The following PCDHA9 variants were observed in gnomAD, a reference collection of about 807,000 sequenced individuals.
The protein encoded by PCDHA9 is protocadherin alpha-9.
Under a neutral mutation model 62.0 loss-of-function variants are expected in PCDHA9, and 62 were observed. That is an observed-to-expected ratio of 1.00 (90% CI 0.81 to 1.23). The LOEUF (loss-of-function observed/expected upper bound fraction) is 1.23. Ranked by LOEUF, PCDHA9 falls within the 50% of genes most tolerant of loss-of-function variation. The pLI is 0.00. For synonymous variants in PCDHA9, 557 were observed against 567.6 expected (o/e 0.98, Z 0.27); for missense variants, 1,205 against 1,249.8 (o/e 0.96, Z 0.54).
intron 1 of PCDHA9, chr5:140,927,650 TC>T (rs2084465821): frequency 6.2e-7 from 1 of 1,614,080 alleles, no homozygotes; most frequent in Admixed American, 1.7e-5. Flanking sequence ...ACTGTGTTAT[TC>T]CGAGTTCAAG....
intron 1 of PCDHA9, chr5:140,876,308 A>G: frequency 6.2e-7 from 1 of 1,614,070 alleles, no homozygotes; most frequent in Non-Finnish European, 8.5e-7. Flanking sequence ...GAAATTTCCT[A>G]TGGGATCAAA....
chr5:140,870,746 TGACG>T, intron 1 of PCDHA9: 1 of 1,613,488 alleles, frequency 6.2e-7, no homozygotes, highest in Non-Finnish European at 8.5e-7. Context: ...AGCAGCAACG[TGACG>T]CTGCAGGTGT....
At chr5:140,947,209 A>C (rs1462777257) in intron 1 of PCDHA9, among the ~76,000 whole-genome samples, 2 of 151,580 alleles carry the variant, frequency 1.3e-5, no homozygotes, top group Non-Finnish European at 3.0e-5. Flanking sequence ...AAAAAAAGAA[A>C]ATCCTGTCAT....
intron 3 of PCDHA9, among the ~76,000 whole-genome samples, chr5:141,000,501 C>G (rs1252221313): frequency 2.1e-5 from 3 of 139,584 alleles, no homozygotes; most frequent in Admixed American, 7.5e-5. Flanking sequence ...GATCTCGGCT[C>G]ACTGCAACCT....
chr5:140,877,743 G>C, intron 1 of PCDHA9: 1 of 1,614,148 alleles, frequency 6.2e-7, no homozygotes, highest in Non-Finnish European at 8.5e-7. Flanking sequence ...GGAGGCAGAG[G>C]GTGTGCTCTG....
chr5:140,920,612 G>A (rs1389841013), intron 1 of PCDHA9, among the ~76,000 whole-genome samples: 3 of 152,092 alleles, frequency 2.0e-5, no homozygotes, highest in Non-Finnish European at 2.9e-5. Flanking sequence ...TTGGGAGGCC[G>A]AGGCGGATGG....
In PCDHA9 at chr5:140,882,368, T is replaced by C. The variant is rs781902519; in HGVS notation, c.2394+31479T>C. On this transcript the variant is annotated intron_variant, in intron 1 of 3. Transcript: ENST00000532602. ...GACGGGTAGTGGCCAGCTCCACTAC[T>C]CCGTCCCCGAGGAAGCAAAACACGG... 1.9e-6 allele frequency: 3 copies of C among 1,614,218 alleles called. No individual in the cohort carries two copies. The South Asian group carries it at 3.3e-5, about 18-fold the overall frequency.
chr5:140,926,353 C>T (rs1402316154), intron 1 of PCDHA9: 1 of 152,272 alleles, frequency 6.6e-6, no homozygotes, highest in Non-Finnish European at 1.5e-5. Flanking sequence ...ACGCGCGGCT[C>T]CCAAAGGGCG....
In PCDHA9 at chr5:140,883,587, G is replaced by C. The variant is rs1554178846; in HGVS notation, c.2394+32698G>C. ...TCGCCTTCGCTGTGGGCCACGGCCA[G>C]CGTGTCGGTGGGGGTGGCCGACGTG... On this transcript the variant is annotated intron_variant, in intron 1 of 3. Coordinates refer to ENST00000532602, the MANE Select transcript of PCDHA9 (RefSeq NM_031857.2). 6.2e-7 allele frequency: 1 copy of C among 1,614,030 alleles called. No individual in the cohort carries two copies. Among genetic ancestry groups the C allele is most frequent in the Non-Finnish European group, 8.5e-7 (1 of 1,179,946 alleles).
At chr5:140,871,624 A>G in intron 1 of PCDHA9, 1 of 1,409,596 alleles carries the variant, frequency 7.1e-7, no homozygotes, top group African/African-American at 1.4e-5. Context: ...TTTAGATAAC[A>G]ATGTCTGTTC....
chr5:140,921,098 A>G (rs1007745080), intron 1 of PCDHA9, among the ~76,000 whole-genome samples: 2 of 151,708 alleles, frequency 1.3e-5, no homozygotes, highest in South Asian at 2.1e-4. Context: ...CTCCTGCCTC[A>G]GTCTCCTAAG....
chr5:140,921,212 C>T lies in PCDHA9; in HGVS notation c.2395-57737C>T, dbSNP rs78827164. On this transcript the variant is annotated intron_variant, in intron 1 of 3. Coordinates refer to ENST00000532602, the MANE Select transcript of PCDHA9 (RefSeq NM_031857.2). ...ACAATAGATTGACAACGATAATTCA[C>T]GTCTTTTTTGCTAGATGATATTAAG... is the stretch of plus-strand genomic sequence containing the variant. Among the ~76,000 whole-genome samples the T allele has an allele frequency of 3.7e-3, 555 of 152,020 alleles. 3 individuals carry two copies. Among genetic ancestry groups the T allele is most frequent in the Non-Finnish European group, 5.8e-3 (395 of 67,980 alleles).
rs1419215366 is a variant in PCDHA9, at chr5:141,010,888, T to G, written c.*951T>G. 2 of 153,748 alleles carry G rather than the reference T, an allele frequency of 1.3e-5. No homozygotes were observed. The highest frequency in any genetic ancestry group is 2.9e-5 in the Non-Finnish European group (2 of 68,032). The allele number at this position is 153,748 out of a possible 1,614,324, so 9.5% of individuals were successfully genotyped here. On this transcript the variant is annotated 3_prime_UTR_variant, in exon 4 of 4. Coordinates refer to ENST00000532602, the MANE Select transcript of PCDHA9 (RefSeq NM_031857.2). Reference sequence around the variant, plus strand: ...AGCTATAAATCTTTAAAGAGAAATATGAATACAATTCCCCTAAACTCTCCT... The same window carrying G: ...AGCTATAAATCTTTAAAGAGAAATAGGAATACAATTCCCCTAAACTCTCCT...
At chr5:140,933,003 G>A (rs1466484630) in intron 1 of PCDHA9, among the ~76,000 whole-genome samples, 5 of 151,902 alleles carry the variant, frequency 3.3e-5, no homozygotes, top group East Asian at 1.9e-4. Flanking sequence ...TATGAATATC[G>A]GAAATATTAA....
intron 1 of PCDHA9, chr5:140,967,630 C>T (rs1278035224): frequency 3.7e-6 from 6 of 1,613,982 alleles, no homozygotes; most frequent in Non-Finnish European, 5.1e-6. Context: ...ATGAGGGCTC[C>T]AATGGTGAGC....
chr5:140,998,664 A>C (rs1204598567), intron 3 of PCDHA9, among the ~76,000 whole-genome samples: 1 of 151,936 alleles, frequency 6.6e-6, no homozygotes, highest in Non-Finnish European at 1.5e-5. Flanking sequence ...TCCTGGGTTC[A>C]AGTGATTCTC....
chr5:140,967,401 G>A lies in PCDHA9; in HGVS notation c.2395-11548G>A. On this transcript the variant is annotated intron_variant, in intron 1 of 3. Transcript: ENST00000532602. ...AGTAAAGTGCTTGAGCTGGTGCTGC[G>A]TAAGGGCCTAGACCGGGAGCAGGCA... 3.1e-6 allele frequency: 5 copies of A among 1,611,944 alleles called. No individual in the cohort carries two copies. Among genetic ancestry groups the A allele is most frequent in the East Asian group, 2.2e-5 (1 of 44,806 alleles).
At chr5:140,948,227 A>G (rs1214697523) in intron 1 of PCDHA9, among the ~76,000 whole-genome samples, 17 of 151,634 alleles carry the variant, frequency 1.1e-4, no homozygotes, top group African/African-American at 4.1e-4. Flanking sequence ...GTTAGATTTA[A>G]CTTGTATTTT....
At chr5:140,944,413 C>T (rs892243235) in intron 1 of PCDHA9, among the ~76,000 whole-genome samples, 3 of 152,292 alleles carry the variant, frequency 2.0e-5, no homozygotes, top group African/African-American at 7.2e-5. Context: ...TCTCGAACTC[C>T]TGATCTGAAG....
Sources: allele counts gnomAD v4.1 joint callset (sites outside exome capture counted in the v4.1 genomes callset), GRCh38; gene constraint gnomAD v4.1.1; transcripts MANE v1.5; gene names NCBI Gene and HGNC (gene_info 2026-07-23, HGNC 2026-07-21).